The following ABCA10 variants were observed in gnomAD, a reference collection of about 807,000 sequenced individuals.
ABCA10 encodes the protein ATP binding cassette subfamily A member 10.
A neutral mutation model predicts 187.5 loss-of-function variants in ABCA10; 169 were observed. The ratio of observed to expected loss-of-function variants is 0.90; its 90% CI spans 0.80 to 1.02. The LOEUF (loss-of-function observed/expected upper bound fraction) is 1.02, where lower values mean the gene tolerates loss of function less well. Ranked by LOEUF, ABCA10 falls within the 50% of genes least tolerant of loss-of-function variation. ABCA10 has a pLI of 0.00. For synonymous variants in ABCA10, 574 were observed against 601.8 expected, an observed-to-expected ratio of 0.95 and a Z score of 0.68; for missense variants, 1,727 against 1,812.4, an observed-to-expected ratio of 0.95 and a Z score of 0.86.
intron 6 of ABCA10, among the ~76,000 whole-genome samples, 158 bp from the exon 7 acceptor site, chr17:69,216,516 C>T (rs1316523748): frequency 6.6e-6 from 1 of 152,116 alleles, no homozygotes; most frequent in Non-Finnish European, 1.5e-5. Flanking sequence ...AGTTATTTAT[C>T]TTCTCTCACT....
At chr17:69,193,763 A>G (rs1168516519) in intron 13 of ABCA10, 51 bp downstream of exon 13, 1 of 1,584,134 alleles carries the variant, frequency 6.3e-7, no homozygotes, top group South Asian at 1.2e-5. Context: ...AAAAATATAT[A>G]GTCAAAAGTA....
intron 3 of ABCA10, among the ~76,000 whole-genome samples, chr17:69,223,927 G>A (rs189898945): frequency 6.6e-6 from 1 of 152,144 alleles, no homozygotes; most frequent in African/African-American, 2.4e-5. Flanking sequence ...TGTGCATACA[G>A]GAAGAATAGT....
At chr17:69,216,960 T>C (rs1281493326) in intron 6 of ABCA10, among the ~76,000 whole-genome samples, 1 of 152,080 alleles carries the variant, frequency 6.6e-6, no homozygotes, top group Non-Finnish European at 1.5e-5. Flanking sequence ...GGAAAGGTAT[T>C]ATGATGCCAG....
At chr17:69,221,751 G>T (rs1435371620) in intron 5 of ABCA10, 41 bp downstream of exon 5, 1 of 1,516,530 alleles carries the variant, frequency 6.6e-7, no homozygotes, top group South Asian at 1.2e-5. Flanking sequence ...AAAGAGGGAA[G>T]AATACAGATT....
rs750819517 is a variant in ABCA10 at position 69,194,337 on chromosome 17, T to C, written c.1345+48A>G. The C allele has an allele frequency of 2.0e-6, 3 of 1,487,108 alleles. No individual in the cohort carries two copies. The African/African-American group carries it at 4.2e-5, about 21-fold the overall frequency. The allele number at this position is 1,487,108 out of a possible 1,614,324, so 92.1% of individuals were successfully genotyped here. On this transcript the variant is annotated intron_variant, in intron 12 of 38. Coordinates refer to ENST00000690296, the MANE Select transcript of ABCA10 (RefSeq NM_001377321.1). ...CATTTTTTACATAATCAAACCAATT[T>C]ACAACTTGCTTTTTCAGCCAACTTA...
chr17:69,193,461 A>T (rs1258889193), intron 14 of ABCA10, 32 bp downstream of exon 14: 12 of 1,593,016 alleles, frequency 7.5e-6, no homozygotes, highest in Non-Finnish European at 1.0e-5. Flanking sequence ...CTTCAATCTA[A>T]ATTAATTGTA....
At position 69,194,496 on chromosome 17, in the gene ABCA10, CTGTT is replaced by C. The variant is rs1203707047; in HGVS notation, c.1235-5_1235-2del. On this transcript the variant is annotated splice_acceptor_variant and splice_polypyrimidine_tract_variant and intron_variant, in intron 11 of 38. Coordinates refer to ENST00000690296, the MANE Select transcript of ABCA10 (RefSeq NM_001377321.1). LOFTEE classifies it high-confidence loss of function. Reference sequence around the variant, plus strand: ...CCTTCATATATGTCAAAAAATATGCCTGTTTTAGAATAAAAAGTGGAAATTAGAT... The same window carrying C: ...CCTTCATATATGTCAAAAAATATGCCTTAGAATAAAAAGTGGAAATTAGAT... 5.0e-6 allele frequency: 8 copies of C among 1,592,974 alleles called. No individual in the cohort carries two copies. The highest frequency in any genetic ancestry group is 6.8e-6 in the Non-Finnish European group (8 of 1,168,662).
intron 11 of ABCA10, among the ~76,000 whole-genome samples, chr17:69,195,956 T>C (rs2074497106): frequency 6.6e-6 from 1 of 152,196 alleles, no homozygotes; most frequent in Admixed American, 6.5e-5. Flanking sequence ...CCATGTCTAC[T>C]TCTTTCTACA....
At position 69,216,371 on chromosome 17, in the gene ABCA10, C is replaced by A. The variant is rs767724381; in HGVS notation, c.531-13G>T. 4 of 1,602,876 alleles carry A rather than the reference C, an allele frequency of 2.5e-6. No homozygotes were observed. In the African/African-American group the frequency reaches 5.4e-5, roughly 22 times the overall value. On this transcript the variant is annotated splice_polypyrimidine_tract_variant and intron_variant, in intron 6 of 38. Coordinates refer to ENST00000690296, the MANE Select transcript of ABCA10 (RefSeq NM_001377321.1). ...TCCCCAGGAGAGCCTATAGTAGAAA[C>A]AAGGTGTTAGTTCAACTGTCACAAA...
At chr17:69,221,938 G>A in intron 4 of ABCA10, 43 bp from the exon 5 acceptor site, 1 of 1,405,652 alleles carries the variant, frequency 7.1e-7, no homozygotes, top group Non-Finnish European at 9.8e-7. Context: ...ATATAATGGA[G>A]TCAACTCCTG....
rs2074102375 is a variant in ABCA10 at position 69,148,146 on chromosome 17, G to T, written c.*681C>A. ...AAAGTGCTATAATGACATGGGAAAT[G>T]TTCATGAACTGTGAGGTGAAAAGAT... On this transcript the variant is annotated 3_prime_UTR_variant, in exon 39 of 39. Transcript: ENST00000690296. The T allele has an allele frequency of 6.6e-6, 1 of 152,114 alleles. No individual in the cohort carries two copies. Among genetic ancestry groups the T allele is most frequent in the East Asian group, 1.9e-4 (1 of 5,200 alleles). The allele number at this position is 152,114 out of a possible 1,614,324, so 9.4% of individuals were successfully genotyped here.
intron 6 of ABCA10, among the ~76,000 whole-genome samples, chr17:69,218,928 A>G (rs1187100830): frequency 6.6e-6 from 1 of 152,192 alleles, no homozygotes; most frequent in Non-Finnish European, 1.5e-5. Context: ...TTCCCATGTC[A>G]CTAAATGTGA....
At chr17:69,170,893 G>A (rs2074293365) in intron 25 of ABCA10, among the ~76,000 whole-genome samples, 2 of 152,122 alleles carry the variant, frequency 1.3e-5, no homozygotes, top group African/African-American at 2.4e-5. Context: ...TATGATTTGG[G>A]TTCTCTTTAA....
intron 11 of ABCA10, 85 bp downstream of exon 11, chr17:69,196,979 C>G (rs1396040957): frequency 2.0e-5 from 20 of 984,244 alleles, no homozygotes; most frequent in South Asian, 1.3e-4. Context: ...GTCCAGCCTC[C>G]GCTTGGCATC....
At chr17:69,153,196 C>T in intron 34 of ABCA10, 109 bp downstream of exon 34, 2 of 1,324,224 alleles carry the variant, frequency 1.5e-6, no homozygotes, top group Non-Finnish European at 2.1e-6. Flanking sequence ...AAGATGTGCA[C>T]ATCAAAGGTT....
chr17:69,210,750 C>A (rs910105881), intron 9 of ABCA10, among the ~76,000 whole-genome samples: 1 of 150,720 alleles, frequency 6.6e-6, no homozygotes, highest in African/African-American at 2.5e-5. Flanking sequence ...GCCATTATTT[C>A]ATTCCTTCTT....
At chr17:69,153,778 A>T in intron 32 of ABCA10, 53 bp downstream of exon 32, 1 of 1,548,564 alleles carries the variant, frequency 6.5e-7, no homozygotes, top group Non-Finnish European at 8.7e-7. Flanking sequence ...TAATGAAGAA[A>T]TGACATATTT....
chr17:69,187,662 A>G lies in ABCA10; in HGVS notation c.2330+19T>C. ...TTTCATATACTGACCAAATAGATAT[A>G]AAGTAATCTGATACTCACAAACACA... On this transcript the variant is annotated intron_variant, in intron 19 of 38. Coordinates refer to ENST00000690296, the MANE Select transcript of ABCA10 (RefSeq NM_001377321.1). The G allele has an allele frequency of 1.9e-6, 3 of 1,608,918 alleles. No individual in the cohort carries two copies. The highest frequency in any genetic ancestry group is 2.6e-6 in the Non-Finnish European group (3 of 1,176,232).
intron 9 of ABCA10, among the ~76,000 whole-genome samples, chr17:69,211,140 A>AG (rs2074645375): frequency 6.6e-6 from 1 of 151,042 alleles, no homozygotes; most frequent in Non-Finnish European, 1.5e-5. Context: ...ATCCACCCAG[A>AG]GGAAAAGAAA....
Sources: gnomAD v4.1 joint callset for allele counts (sites outside exome capture counted in the v4.1 genomes callset) on GRCh38, gnomAD v4.1.1 for gene constraint, MANE v1.5 for transcripts, NCBI Gene and HGNC (gene_info 2026-07-23, HGNC 2026-07-21) for gene names.